The following HNF1A variants were observed in gnomAD, a reference collection of about 807,000 sequenced individuals.
The protein encoded by HNF1A is HNF1 homeobox A, also known as hepatocyte nuclear factor 1-alpha.
Under a neutral mutation model 62.2 loss-of-function variants are expected in HNF1A, and 21 were observed. The observed-to-expected ratio is 0.34, with a 90% CI of 0.24 to 0.49. HNF1A has a LOEUF of 0.49. Ranked by LOEUF, HNF1A falls within the 20% of genes least tolerant of loss-of-function variation. The probability of loss-of-function intolerance (pLI) is 0.99; values close to 1 mark genes in which losing one functional copy is unlikely to be tolerated. For missense variants in HNF1A, 687 were observed against 832.3 expected, an observed-to-expected ratio of 0.83 and a Z score of 2.15; for synonymous variants, 374 against 366.8, an observed-to-expected ratio of 1.02 and a Z score of -0.22.
chr12:120,984,089 C>T (rs899522093), intron 1 of HNF1A, among the ~76,000 whole-genome samples: 4 of 152,040 alleles, frequency 2.6e-5, no homozygotes, highest in African/African-American at 9.7e-5. Context: ...GAAAGACATG[C>T]CCTCTTGGTT....
intron 1 of HNF1A, among the ~76,000 whole-genome samples, chr12:120,988,299 ACCAT>A (rs1355690101): frequency 9.6e-5 from 14 of 145,250 alleles, no homozygotes; most frequent in Non-Finnish European, 1.7e-4. Flanking sequence ...CATTCATCCA[ACCAT>A]CCATCCATCC....
chr12:120,983,133 T>C (rs1268702489), intron 1 of HNF1A, among the ~76,000 whole-genome samples: 3 of 152,144 alleles, frequency 2.0e-5, no homozygotes, highest in South Asian at 2.1e-4. Context: ...GGCAAGAGGC[T>C]CAAAGCCTTG....
At chr12:120,987,111 C>T (rs1876548273) in intron 1 of HNF1A, among the ~76,000 whole-genome samples, 2 of 152,084 alleles carry the variant, frequency 1.3e-5, no homozygotes, top group South Asian at 4.1e-4. Flanking sequence ...AGTAGGATTC[C>T]AGTGTTCACA....
chr12:120,996,464 G>A lies in HNF1A; in HGVS notation c.1107+51G>A, dbSNP rs750289752. 6.2e-7 allele frequency: 1 copy of A among 1,613,816 alleles called. No homozygotes were observed. Among genetic ancestry groups the A allele is most frequent in the Non-Finnish European group, 8.5e-7 (1 of 1,179,978 alleles). ...ACCCAACCTCATCTTTCCTTGGCAG[G>A]GAGATTCTGGAGCAGTCCCTAGGGA... On this transcript the variant is annotated intron_variant, in intron 5 of 9. Transcript: ENST00000257555. This position sits in a 1 kb window ranked among gnomAD's most constrained non-coding sequence, Gnocchi z 4.5.
At position 120,996,232 on chromosome 12, in the gene HNF1A, G is replaced by A. The variant is rs773990071; in HGVS notation, c.956-30G>A. 5.0e-6 allele frequency: 8 copies of A among 1,613,006 alleles called. No individual in the cohort carries two copies. Among genetic ancestry groups the A allele is most frequent in the Non-Finnish European group, 6.8e-6 (8 of 1,179,942 alleles). ...GCAGGGGAGGGCAGGGAAGTGGGGT[G>A]CTGAGGCAGGACACTGCTTCCCTCT... On this transcript the variant is annotated intron_variant, in intron 4 of 9. Coordinates refer to ENST00000257555, the MANE Select transcript of HNF1A (RefSeq NM_000545.8). This position sits in a 1 kb window ranked among gnomAD's most constrained non-coding sequence, Gnocchi z 4.5.
At chr12:120,988,195 A>G (rs1429057178) in intron 1 of HNF1A, among the ~76,000 whole-genome samples, 1 of 57,094 alleles carries the variant, frequency 1.8e-5, no homozygotes, top group Non-Finnish European at 3.4e-5. Flanking sequence ...TCCATCATCC[A>G]TCTACCCACC....
At position 120,978,703 on chromosome 12, in the gene HNF1A, C is replaced by A. The variant is rs1038779132; in HGVS notation, c.-66C>A. The A allele has an allele frequency of 4.6e-5, 69 of 1,491,156 alleles. No homozygotes were observed. The highest frequency in any genetic ancestry group is 6.2e-5 in the Non-Finnish European group (66 of 1,072,394). 92.4% of individuals were successfully genotyped at this position (1,491,156 alleles called of 1,614,324 possible). On this transcript the variant is annotated 5_prime_UTR_variant, in exon 1 of 10. Transcript: ENST00000257555. Reference sequence around the variant, plus strand: ...TCTGCCGGCCGGCAGGCAAACGCAACCCACGCGGTGGGGGAGGCGGCTAGC... The same window carrying A: ...TCTGCCGGCCGGCAGGCAAACGCAAACCACGCGGTGGGGGAGGCGGCTAGC...
rs530977229 is a variant in HNF1A, at chr12:120,999,779, G to A, written c.1768+152G>A. On this transcript the variant is annotated intron_variant, in intron 9 of 9. Transcript: ENST00000257555. ...AGCACTGGCAGGCGTGGAGGGGTGG[G>A]GTGGGCTTCCATGAAGCCCAAGAGG... 1.9e-4 allele frequency: 213 copies of A among 1,105,202 alleles called. No individual in the cohort carries two copies. The South Asian group carries it at 2.3e-3, about 12-fold the overall frequency. 68.5% of individuals were successfully genotyped at this position (1,105,202 alleles called of 1,614,324 possible).
chr12:121,000,944 T>G, intron 9 of HNF1A, 121 bp from the exon 10 acceptor site: 1 of 1,379,170 alleles, frequency 7.3e-7, no homozygotes, highest in South Asian at 1.2e-5. Context: ...GGGGTTCCTG[T>G]TATCTGCTGT....
In HNF1A at chr12:121,001,282, G is replaced by C; in HGVS notation, c.*90G>C. The C allele has an allele frequency of 2.0e-6, 3 of 1,496,326 alleles. No individual in the cohort carries two copies. Among genetic ancestry groups the C allele is most frequent in the South Asian group, 1.2e-5 (1 of 85,256 alleles). 92.7% of individuals were successfully genotyped at this position (1,496,326 alleles called of 1,614,324 possible). The stretch of plus-strand genomic sequence containing the variant: ...CCTGCCTGGAGGACCTGAGCCTGCC[G>C]AGCAACCGTGGCCCTTCCTGGACAG... On this transcript the variant is annotated 3_prime_UTR_variant, in exon 10 of 10. Coordinates refer to ENST00000257555, the MANE Select transcript of HNF1A (RefSeq NM_000545.8).
intron 1 of HNF1A, among the ~76,000 whole-genome samples, chr12:120,980,316 G>A (rs921120032): frequency 6.6e-6 from 1 of 152,036 alleles, no homozygotes; most frequent in African/African-American, 2.4e-5. Context: ...GAGCCCCAAA[G>A]ATGCTCCAAA....
intron 2 of HNF1A, 92 bp from the exon 3 acceptor site, chr12:120,993,428 G>A: frequency 7.8e-7 from 1 of 1,275,272 alleles, no homozygotes; most frequent in Non-Finnish European, 1.1e-6. Context: ...CAGCGCCATG[G>A]CAATGAGAAA....
chr12:120,986,922 G>A (rs2135829377), intron 1 of HNF1A, among the ~76,000 whole-genome samples: 1 of 152,266 alleles, frequency 6.6e-6, no homozygotes, highest in Middle Eastern at 3.4e-3. Context: ...AAGTTCAGGA[G>A]AGGGAGAGAG....
intron 1 of HNF1A, 79 bp downstream of exon 1, chr12:120,979,173 A>C: frequency 2.3e-6 from 3 of 1,302,828 alleles, no homozygotes; most frequent in Non-Finnish European, 3.2e-6. Context: ...CCCCCTTCTG[A>C]GTTGAGTCCC....
rs539570747 is a variant in HNF1A at position 120,987,734 on chromosome 12, C to T, written c.327-1099C>T. On this transcript the variant is annotated intron_variant, in intron 1 of 9. Coordinates refer to ENST00000257555, the MANE Select transcript of HNF1A (RefSeq NM_000545.8). ...CACCTGAAAGGATTCAGTTCTAAGA[C>T]AGCCTTTAGGGCAAAAAGTCACAAA... 4.0e-5 allele frequency among the ~76,000 whole-genome samples: 6 copies of T among 151,582 alleles called. No individual in the cohort carries two copies. The South Asian group carries it at 1.2e-3, about 32-fold the overall frequency.
At position 120,996,347 on chromosome 12, in the gene HNF1A, C is replaced by A; in HGVS notation, c.1041C>A (p.Pro347=). The change falls in exon 5 of 10, where the codon CCC becomes CCA. Residue 347 remains proline, a synonymous_variant. Transcript: ENST00000257555. The surrounding 1 kb of genome is among the most constrained non-coding windows in gnomAD (Gnocchi z 4.5). ...GTCCCTTAGTGACAGTGTCTACACC[C>A]CTCCACCAAGTGTCCCCCACGGGCC... ...SGGPLVTVST[P]LHQVSPTGLE... 6.2e-7 allele frequency: 1 copy of A among 1,614,190 alleles called. No individual in the cohort carries two copies. Among genetic ancestry groups the A allele is most frequent in the Non-Finnish European group, 8.5e-7 (1 of 1,180,030 alleles).
At chr12:120,984,402 T>C (rs1593050565) in intron 1 of HNF1A, among the ~76,000 whole-genome samples, 2 of 151,766 alleles carry the variant, frequency 1.3e-5, no homozygotes, top group Admixed American at 6.6e-5. Flanking sequence ...CAGGGGCACA[T>C]AGAAAATCTT....
At chr12:120,998,170 C>T (rs986965055) in intron 7 of HNF1A, 1 of 256,426 alleles carries the variant, frequency 3.9e-6, no homozygotes, top group Non-Finnish European at 7.7e-6. Flanking sequence ...GTCCCAGCTA[C>T]TTGGGAGGCT....
Position 121,001,616 on chromosome 12 carries a change from C to T in HNF1A, c.*424C>T. On this transcript the variant is annotated 3_prime_UTR_variant, in exon 10 of 10. Transcript: ENST00000257555. ...GCCTGTGTAGCTGTGACCTGCTGAG[C>T]TCTGAGAGGCCCTGGATCAGCGTGG... 1 of 440,718 alleles carries T rather than the reference C, an allele frequency of 2.3e-6. No homozygotes were observed. Among genetic ancestry groups the T allele is most frequent in the Non-Finnish European group, 4.3e-6 (1 of 230,628 alleles). 27.3% of individuals were successfully genotyped at this position (440,718 alleles called of 1,614,324 possible).
Sources: allele counts gnomAD v4.1 joint callset (sites outside exome capture counted in the v4.1 genomes callset), GRCh38; gene constraint gnomAD v4.1.1; non-coding constraint Gnocchi (gnomAD v3.1); transcripts MANE v1.5; gene names NCBI Gene and HGNC (gene_info 2026-07-23, HGNC 2026-07-21).